Variants in CCNJL observed in about 807,000 individuals in gnomAD.
CCNJL encodes cyclin J like.
CCNJL carries 33 observed loss-of-function variants against 33.4 expected under a neutral mutation model. That is an observed-to-expected ratio of 0.99 (90% CI 0.75 to 1.32). The LOEUF is 1.32. Among genes scored for constraint, CCNJL ranks in the 40% most tolerant of loss-of-function variants. The probability of loss-of-function intolerance (pLI) is 0.00; values close to 1 mark genes in which losing one functional copy is unlikely to be tolerated. For synonymous variants in CCNJL, 227 were observed against 220.9 expected (o/e 1.03, Z -0.24); for missense variants, 512 against 499.7 (o/e 1.02, Z -0.23).
At chr5:160,289,078 T>G (rs1762501553) in intron 2 of CCNJL, among the ~76,000 whole-genome samples, 1 of 152,138 alleles carries the variant, frequency 6.6e-6, no homozygotes. Flanking sequence ...ACCCAGATTT[T>G]GGGCATGTGG....
intron 2 of CCNJL, among the ~76,000 whole-genome samples, chr5:160,304,444 C>T (rs1763027619): frequency 6.6e-6 from 1 of 152,138 alleles, no homozygotes; most frequent in African/African-American, 2.4e-5. Context: ...GGAAATTTCT[C>T]CTTATTTTAT....
intron 2 of CCNJL, among the ~76,000 whole-genome samples, chr5:160,307,911 C>T (rs1281375934): frequency 3.3e-5 from 5 of 152,184 alleles, no homozygotes; most frequent in Non-Finnish European, 1.5e-5. Flanking sequence ...GAGGGTTCAA[C>T]TCCCCACATT....
intron 2 of CCNJL, among the ~76,000 whole-genome samples, chr5:160,303,706 G>GTC (rs1406416622): frequency 2.2e-5 from 2 of 89,020 alleles, no homozygotes; most frequent in African/African-American, 9.2e-5. Context: ...GTGTCTGTGT[G>GTC]TGTGTGTGTG....
intron 2 of CCNJL, among the ~76,000 whole-genome samples, chr5:160,287,696 CA>C (rs1228712457): frequency 6.6e-6 from 1 of 152,244 alleles, no homozygotes; most frequent in Non-Finnish European, 1.5e-5. Flanking sequence ...ATTCCAGAAA[CA>C]AAAGAGCAGC....
rs531605234 is a variant in CCNJL at position 160,338,403 on chromosome 5, C to A, written n.206+1042G>T. ...AGTGAGACCCTGTCCCCCTCAACTC[C>A]CCCACCCCCCAAAAAAAGCCAAACC... is the stretch of plus-strand genomic sequence containing the variant. On this transcript the variant is annotated intron_variant and non_coding_transcript_variant, in intron 1 of 7. Coordinates refer to the CCNJL transcript ENST00000377503. 7.2e-5 allele frequency among the ~76,000 whole-genome samples: 11 copies of A among 151,816 alleles called. No homozygotes were observed. The South Asian group carries it at 2.3e-3, about 32-fold the overall frequency.
chr5:160,302,512 T>C (rs1762955519), intron 2 of CCNJL, among the ~76,000 whole-genome samples: 1 of 152,136 alleles, frequency 6.6e-6, no homozygotes, highest in Non-Finnish European at 1.5e-5. Flanking sequence ...TATTAAAATC[T>C]ACACATTAAA....
intron 3 of CCNJL, among the ~76,000 whole-genome samples, chr5:160,268,558 G>A (rs1055167247): frequency 1.3e-5 from 2 of 152,226 alleles, no homozygotes; most frequent in Non-Finnish European, 2.9e-5. Flanking sequence ...GAGATTTGGT[G>A]TAGGGGAGAG....
chr5:160,254,932 A>G (rs555936793), intron 5 of CCNJL: 1 of 152,336 alleles, frequency 6.6e-6, no homozygotes, highest in African/African-American at 2.4e-5. Context: ...CAATGCGATT[A>G]TCTATAAGAT....
At chr5:160,314,151 A>G (rs891070531), upstream of CCNJL, among the ~76,000 whole-genome samples, 5 of 152,212 alleles carry the variant, frequency 3.3e-5, no homozygotes, top group Non-Finnish European at 7.3e-5. Flanking sequence ...CTTGGGCAAC[A>G]AGAGTGAAAC....
chr5:160,318,646 C>T (rs900158117), intron 1 of CCNJL, among the ~76,000 whole-genome samples: 2 of 152,240 alleles, frequency 1.3e-5, no homozygotes, highest in South Asian at 2.1e-4. Flanking sequence ...CTTCCTTCAG[C>T]TCTTCCTTAC....
intron 2 of CCNJL, among the ~76,000 whole-genome samples, chr5:160,296,454 C>T (rs1416312594): frequency 1.3e-5 from 2 of 152,236 alleles, no homozygotes; most frequent in Non-Finnish European, 2.9e-5. Context: ...GTCCTTTTGA[C>T]CCTATTGTCT....
At chr5:160,282,831 A>C (rs1202697348) in intron 2 of CCNJL, among the ~76,000 whole-genome samples, 1 of 151,336 alleles carries the variant, frequency 6.6e-6, no homozygotes, top group African/African-American at 2.4e-5. Flanking sequence ...CAAGTGCTGG[A>C]TAGGGGCAAA....
chr5:160,311,109 C>T (rs1276051389), intron 2 of CCNJL, among the ~76,000 whole-genome samples: 1 of 152,142 alleles, frequency 6.6e-6, no homozygotes, highest in Non-Finnish European at 1.5e-5. Context: ...GCCTCCAGCC[C>T]ACCTGGACTC....
intron 1 of CCNJL, among the ~76,000 whole-genome samples, chr5:160,332,018 T>C (rs1199568424): frequency 6.6e-6 from 1 of 152,128 alleles, no homozygotes; most frequent in Non-Finnish European, 1.5e-5. Flanking sequence ...TGGGCCCCAG[T>C]ATATACCATT....
chr5:160,259,799 T>C lies in CCNJL; in HGVS notation c.281-28A>G, dbSNP rs74427699. 499 of 1,572,834 alleles carry C rather than the reference T, an allele frequency of 3.2e-4. 8 individuals carry two copies. The East Asian group carries it at 0.011, about 35-fold the overall frequency. On this transcript the variant is annotated intron_variant, in intron 3 of 5. Coordinates refer to ENST00000257536, the MANE Select transcript of CCNJL (RefSeq NM_001308173.3). ...GTCGGGGAGCAGGGGAAGCAGGGGT[T>C]ACTGGAAGACATTTACCTGAACCCA...
chr5:160,333,489 G>A (rs539629931), intron 1 of CCNJL, among the ~76,000 whole-genome samples: 1 of 151,792 alleles, frequency 6.6e-6, no homozygotes, highest in Admixed American at 6.6e-5. Context: ...TACTCAGAAG[G>A]CTGAGGTAGA....
rs370386599 is a variant in CCNJL at position 160,269,462 on chromosome 5, C to G, written c.281-9691G>C. 5.0e-4 allele frequency: 230 copies of G among 456,506 alleles called. 2 individuals carry two copies. The highest frequency in any genetic ancestry group is 3.4e-3 in the South Asian group (222 of 64,562). The allele number at this position is 456,506 out of a possible 1,614,324, so 28.3% of individuals were successfully genotyped here. ...TTAAAGAAAGCTCACTCCTAACTCA[C>G]CAGGGGCTGCCTCTGGCCCAGGTCT... On this transcript the variant is annotated intron_variant, in intron 3 of 5. Coordinates refer to ENST00000257536, the MANE Select transcript of CCNJL (RefSeq NM_001308173.3).
In CCNJL at chr5:160,253,815, T is replaced by C; in HGVS notation, c.744-17A>G. On this transcript the variant is annotated splice_polypyrimidine_tract_variant and intron_variant, in intron 5 of 5. Transcript: ENST00000257536. ...TCATACACTCTGAAACGAGAAGACC[T>C]GGGTGAGAACTGGAGGCCAAAAGCC... is the stretch of plus-strand genomic sequence containing the variant. 1 of 1,494,950 alleles carries C rather than the reference T, an allele frequency of 6.7e-7. No individual in the cohort carries two copies. Among genetic ancestry groups the C allele is most frequent in the Non-Finnish European group, 8.9e-7 (1 of 1,127,122 alleles). 92.6% of individuals were successfully genotyped at this position (1,494,950 alleles called of 1,614,324 possible).
intron 1 of CCNJL, among the ~76,000 whole-genome samples, chr5:160,333,085 G>A (rs1367392968): frequency 3.9e-5 from 6 of 151,918 alleles, no homozygotes; most frequent in African/African-American, 1.4e-4. Flanking sequence ...AGGAGTTTGA[G>A]ACTGGCCTGG....
Sources: allele counts gnomAD v4.1 joint callset (sites outside exome capture counted in the v4.1 genomes callset), GRCh38; gene constraint gnomAD v4.1.1; transcripts MANE v1.5; gene names NCBI Gene and HGNC (gene_info 2026-07-23, HGNC 2026-07-21).